The following RAB27B variants were observed in gnomAD, a reference collection of about 807,000 sequenced individuals.
The protein encoded by RAB27B is ras-related protein Rab-27B.
In RAB27B, 15 loss-of-function variants were observed where a neutral mutation model predicts 24.6. That is an observed-to-expected ratio of 0.61 (90% confidence interval 0.41 to 0.94). The LOEUF is 0.94. Among genes scored for constraint, RAB27B ranks in the 40% least tolerant of loss-of-function variants. The pLI is 0.00. For synonymous variants in RAB27B, 105 were observed against 92.5 expected (o/e 1.14, Z -0.78); for missense variants, 261 against 266.8 (o/e 0.98, Z 0.15).
At chr18:54,736,045 A>G (rs991981014) in intron 2 of RAB27B, among the ~76,000 whole-genome samples, 5 of 152,170 alleles carry the variant, frequency 3.3e-5, no homozygotes, top group Admixed American at 3.3e-4. Context: ...TATAGTATGT[A>G]TTACTTGGTT....
chr18:54,837,806 A>G (rs1398073317), intron 1 of RAB27B, among the ~76,000 whole-genome samples: 1 of 152,136 alleles, frequency 6.6e-6, no homozygotes, highest in Non-Finnish European at 1.5e-5. Flanking sequence ...ATATGTATTT[A>G]TTATTAAAAT....
intron 2 of RAB27B, among the ~76,000 whole-genome samples, chr18:54,771,485 A>G (rs979730510): frequency 3.3e-5 from 5 of 152,130 alleles, no homozygotes; most frequent in African/African-American, 1.2e-4. Flanking sequence ...GGACACATTC[A>G]TTTTGAATTG....
rs1283281900 is a variant in RAB27B at position 54,894,761 on chromosome 18, T to C, written c.*5348T>C. ...TGTAAATTATGTTCCATTTCATAAA[T>C]AGACACTATTCACAAACTAAAATCT... is the stretch of plus-strand genomic sequence containing the variant. On this transcript the variant is annotated 3_prime_UTR_variant, in exon 6 of 6. Coordinates refer to ENST00000262094, the MANE Select transcript of RAB27B (RefSeq NM_004163.4). 1 of 152,188 alleles carries C rather than the reference T, an allele frequency of 6.6e-6. No individual in the cohort carries two copies. The highest frequency in any genetic ancestry group is 1.9e-4 in the East Asian group (1 of 5,186). 9.4% of individuals were successfully genotyped at this position (152,188 alleles called of 1,614,324 possible).
chr18:54,841,959 C>T lies in RAB27B; in HGVS notation c.-20+13259C>T, dbSNP rs190696334. Among the ~76,000 whole-genome samples the T allele has an allele frequency of 1.7e-3, 265 of 152,304 alleles. 1 individual carries two copies. Among genetic ancestry groups the T allele is most frequent in the African/African-American group, 5.8e-3 (241 of 41,558 alleles). ...GACAATTCACAGGGATCACAGACAA[C>T]AGCTTGACTCCTTAAAAACATCTTA... On this transcript the variant is annotated intron_variant, in intron 1 of 5. Transcript: ENST00000262094.
intron 1 of RAB27B, among the ~76,000 whole-genome samples, chr18:54,854,134 C>A (rs942974803): frequency 6.6e-6 from 1 of 152,122 alleles, no homozygotes; most frequent in Non-Finnish European, 1.5e-5. Flanking sequence ...TATTTACATT[C>A]GTCTTTAGAA....
intron 1 of RAB27B, among the ~76,000 whole-genome samples, chr18:54,869,427 A>G (rs896245480): frequency 6.6e-6 from 1 of 152,256 alleles, no homozygotes; most frequent in Non-Finnish European, 1.5e-5. Flanking sequence ...CAGAGTTCCC[A>G]TCAAGAATGT....
chr18:54,804,906 CTTTCTT>C (rs771735124), intron 2 of RAB27B, among the ~76,000 whole-genome samples: 2 of 115,382 alleles, frequency 1.7e-5, no homozygotes, highest in African/African-American at 7.4e-5. Flanking sequence ...TTCTCTCTCT[CTTTCTT>C]TCTTTCTTTC....
upstream of RAB27B, among the ~76,000 whole-genome samples, chr18:54,826,697 AAC>A (rs1390624257): frequency 1.3e-5 from 2 of 152,208 alleles, no homozygotes; most frequent in Non-Finnish European, 2.9e-5. Context: ...GAGGTAGTAC[AAC>A]ACAGTGACCA....
At chr18:54,849,528 G>A (rs1001231864) in intron 1 of RAB27B, among the ~76,000 whole-genome samples, 1 of 152,130 alleles carries the variant, frequency 6.6e-6, no homozygotes, top group Admixed American at 6.5e-5. Flanking sequence ...AGACCAGCCT[G>A]CCCAACTTCG....
intron 2 of RAB27B, among the ~76,000 whole-genome samples, chr18:54,780,637 A>G (rs1908886077): frequency 6.6e-6 from 1 of 152,206 alleles, no homozygotes; most frequent in Non-Finnish European, 1.5e-5. Context: ...GCCAACCCAC[A>G]TGACCTCATA....
At chr18:54,817,667 A>T (rs917964423) in intron 2 of RAB27B, among the ~76,000 whole-genome samples, 7 of 152,050 alleles carry the variant, frequency 4.6e-5, no homozygotes, top group African/African-American at 7.2e-5. Context: ...TGAAGTAATC[A>T]TCTGATTAAG....
At chr18:54,747,362 T>G (rs1910286900) in intron 2 of RAB27B, among the ~76,000 whole-genome samples, 1 of 152,222 alleles carries the variant, frequency 6.6e-6, no homozygotes, top group Admixed American at 6.5e-5. Flanking sequence ...TATGGCCTAC[T>G]TCCAAATGAC....
chr18:54,824,768 T>C (rs1484685545), upstream of RAB27B, among the ~76,000 whole-genome samples: 1 of 152,204 alleles, frequency 6.6e-6, no homozygotes, highest in Non-Finnish European at 1.5e-5. Context: ...CACTTCCCGC[T>C]ATCTACTGTA....
chr18:54,784,418 C>T (rs112075779), intron 2 of RAB27B, among the ~76,000 whole-genome samples: 1,898 of 152,192 alleles, frequency 0.012, 33 homozygotes, highest in African/African-American at 0.042. Flanking sequence ...AACATTGTAC[C>T]GGATAGATTG....
intron 2 of RAB27B, among the ~76,000 whole-genome samples, chr18:54,792,147 T>C (rs1383454836): frequency 5.9e-5 from 9 of 152,180 alleles, no homozygotes; most frequent in Admixed American, 1.3e-4. Context: ...TAAGAGACCC[T>C]GTAACACATG....
At chr18:54,743,750 C>T (rs1208196015) in intron 2 of RAB27B, among the ~76,000 whole-genome samples, 3 of 152,102 alleles carry the variant, frequency 2.0e-5, no homozygotes, top group South Asian at 2.1e-4. Context: ...GTGGACAGAG[C>T]GAATCAGCTC....
At chr18:54,877,958 AC>A (rs1432850551) in intron 2 of RAB27B, among the ~76,000 whole-genome samples, 1 of 152,160 alleles carries the variant, frequency 6.6e-6, no homozygotes, top group Non-Finnish European at 1.5e-5. Flanking sequence ...CCCAAAGTGT[AC>A]AAGGCAACCC....
At chr18:54,811,420 C>T (rs1909960722) in intron 2 of RAB27B, among the ~76,000 whole-genome samples, 3 of 152,236 alleles carry the variant, frequency 2.0e-5, no homozygotes, top group Middle Eastern at 6.8e-3. Flanking sequence ...CTCAAGAGGG[C>T]AGGAGCTCCC....
At chr18:54,802,909 G>A (rs1307746720) in intron 2 of RAB27B, among the ~76,000 whole-genome samples, 1 of 152,196 alleles carries the variant, frequency 6.6e-6, no homozygotes, top group Non-Finnish European at 1.5e-5. Context: ...ATCATGTGAG[G>A]AGTGGCAGTT....
Sources: allele counts gnomAD v4.1 joint callset (sites outside exome capture counted in the v4.1 genomes callset), GRCh38; gene constraint gnomAD v4.1.1; transcripts MANE v1.5; gene names NCBI Gene and HGNC (gene_info 2026-07-23, HGNC 2026-07-21).